Variants in GRIN2B observed in about 807,000 individuals in gnomAD.
The protein encoded by GRIN2B is glutamate receptor ionotropic, NMDA 2B.
A neutral mutation model predicts 114.5 loss-of-function variants in GRIN2B; 5 were observed. The observed-to-expected ratio is 0.04, with a 90% CI of 0.02 to 0.09. The LOEUF (loss-of-function observed/expected upper bound fraction) is 0.09. Ranked by LOEUF, GRIN2B falls within the 10% of genes least tolerant of loss-of-function variation. The pLI is 1.00. For missense variants in GRIN2B, 1,108 were observed against 1,943.5 expected, an observed-to-expected ratio of 0.57 and a Z score of 8.08; for synonymous variants, 787 against 745.1, an observed-to-expected ratio of 1.06 and a Z score of -0.92.
At position 13,916,779 on chromosome 12, in the gene GRIN2B, C is replaced by T. The variant is rs117708773; in HGVS notation, c.-18-50553G>A. 3.2e-5 allele frequency among the ~76,000 whole-genome samples: 4 copies of T among 125,026 alleles called. 1 individual carries two copies. The highest frequency in any genetic ancestry group is 5.1e-4 in the South Asian group (2 of 3,924). 82.0% of individuals were successfully genotyped at this position (125,026 alleles called of 152,430 possible). ...TGTGTGTATTTTAATCCTCAATGTA[C>T]GCCAGGATGACAATGGGCTCAAAGT... is the stretch of plus-strand genomic sequence containing the variant. On this transcript the variant is annotated intron_variant, in intron 2 of 13. Coordinates refer to ENST00000609686, the MANE Select transcript of GRIN2B (RefSeq NM_000834.5).
chr12:13,614,016 CAAA>C (rs77527098), intron 8 of GRIN2B, among the ~76,000 whole-genome samples: 20 of 92,898 alleles, frequency 2.2e-4, no homozygotes, highest in African/African-American at 3.7e-4. Flanking sequence ...CCTTGCACAG[CAAA>C]AAAAAAAAAA....
chr12:13,889,576 A>C (rs990982627), intron 2 of GRIN2B, among the ~76,000 whole-genome samples: 1 of 152,200 alleles, frequency 6.6e-6, no homozygotes, highest in Non-Finnish European at 1.5e-5. Flanking sequence ...ACAAATCACG[A>C]GCAAGAGGTT....
At position 13,598,996 on chromosome 12, in the gene GRIN2B, G is replaced by T. The variant is rs900305460; in HGVS notation, c.2010+9607C>A. On this transcript the variant is annotated intron_variant, in intron 10 of 13. Transcript: ENST00000609686. Reference sequence around the variant, plus strand: ...CAAGCTGCTCCGTGCTGAGGGAGTCGGCTTGCCTGCTCGTTTTCTTCTCTC... The same window carrying T: ...CAAGCTGCTCCGTGCTGAGGGAGTCTGCTTGCCTGCTCGTTTTCTTCTCTC... Among the ~76,000 whole-genome samples, 3 of 152,160 alleles carry T rather than the reference G, an allele frequency of 2.0e-5. No individual in the cohort carries two copies. The East Asian group carries it at 5.8e-4, about 29-fold the overall frequency.
chr12:13,782,061 T>G (rs1450801384), intron 3 of GRIN2B, among the ~76,000 whole-genome samples: 1 of 152,188 alleles, frequency 6.6e-6, no homozygotes, highest in African/African-American at 2.4e-5. Flanking sequence ...TGTCTGTAGA[T>G]CAATTATGTC....
chr12:13,802,742 T>C (rs998490649), intron 3 of GRIN2B, among the ~76,000 whole-genome samples: 2 of 152,192 alleles, frequency 1.3e-5, no homozygotes, highest in African/African-American at 4.8e-5. Flanking sequence ...GACTTTATTT[T>C]TGTTTTATAT....
intron 2 of GRIN2B, among the ~76,000 whole-genome samples, chr12:13,891,052 T>A (rs1866253905): frequency 6.6e-6 from 1 of 152,232 alleles, no homozygotes; most frequent in Non-Finnish European, 1.5e-5. Flanking sequence ...TTCAGCTGAT[T>A]GCCATCTTTC....
intron 5 of GRIN2B, among the ~76,000 whole-genome samples, chr12:13,673,339 T>C (rs1029637538): frequency 6.6e-6 from 1 of 151,852 alleles, no homozygotes; most frequent in Non-Finnish European, 1.5e-5. Context: ...AGACAGGAAA[T>C]CATGAGGAGG....
At chr12:13,940,986 T>C (rs566728832) in intron 2 of GRIN2B, among the ~76,000 whole-genome samples, 1 of 152,054 alleles carries the variant, frequency 6.6e-6, no homozygotes, top group East Asian at 1.9e-4. Context: ...TCCCTTCATT[T>C]CCCACATTTT....
At chr12:13,582,914 AT>A (rs1948871999) in intron 10 of GRIN2B, among the ~76,000 whole-genome samples, 1 of 152,206 alleles carries the variant, frequency 6.6e-6, no homozygotes, top group African/African-American at 2.4e-5. Context: ...CTTCTTTTGT[AT>A]TTTATAAAAT....
intron 2 of GRIN2B, among the ~76,000 whole-genome samples, chr12:13,925,990 C>T (rs751180876): frequency 7.9e-5 from 12 of 152,074 alleles, no homozygotes; most frequent in Non-Finnish European, 1.2e-4. Flanking sequence ...AGAAAGAATA[C>T]GTTTTAGCAA....
chr12:13,743,589 A>AT (rs758049550), intron 4 of GRIN2B, among the ~76,000 whole-genome samples: 94 of 152,036 alleles, frequency 6.2e-4, no homozygotes, highest in Admixed American at 1.2e-3. Flanking sequence ...TGCCTGAAAG[A>AT]TTTTTTTTCA....
intron 2 of GRIN2B, among the ~76,000 whole-genome samples, chr12:13,965,562 C>T (rs953661840): frequency 2.6e-5 from 4 of 151,500 alleles, no homozygotes; most frequent in African/African-American, 9.7e-5. Flanking sequence ...ACACACCACA[C>T]ACACACACAC....
intron 2 of GRIN2B, among the ~76,000 whole-genome samples, chr12:13,918,166 C>T (rs1866763742): frequency 6.6e-6 from 1 of 152,188 alleles, no homozygotes; most frequent in Non-Finnish European, 1.5e-5. Flanking sequence ...TCTCTTAACT[C>T]CTCTGGACCT....
intron 3 of GRIN2B, among the ~76,000 whole-genome samples, chr12:13,824,453 CG>C: frequency 6.6e-6 from 1 of 152,204 alleles, no homozygotes; most frequent in East Asian, 1.9e-4. Context: ...AATTTTGATA[CG>C]CTCTATAGTG....
intron 3 of GRIN2B, among the ~76,000 whole-genome samples, chr12:13,795,900 G>T (rs1356599359): frequency 6.6e-6 from 1 of 152,078 alleles, no homozygotes; most frequent in African/African-American, 2.4e-5. Flanking sequence ...CGTGGACAAA[G>T]GGCGGGGAAC....
chr12:13,954,262 A>G (rs144660077), intron 2 of GRIN2B, among the ~76,000 whole-genome samples: 16 of 152,286 alleles, frequency 1.1e-4, no homozygotes, highest in African/African-American at 3.8e-4. Flanking sequence ...CAGCACAAAC[A>G]AACGTAATTT....
intron 2 of GRIN2B, among the ~76,000 whole-genome samples, chr12:13,870,357 T>G (rs1277123653): frequency 1.3e-5 from 2 of 151,632 alleles, no homozygotes; most frequent in African/African-American, 4.9e-5. Flanking sequence ...GATTAGAGAG[T>G]TGACTGTTCA....
At chr12:13,658,147 C>T (rs1359568642) in intron 5 of GRIN2B, among the ~76,000 whole-genome samples, 4 of 151,230 alleles carry the variant, frequency 2.6e-5, no homozygotes, top group Non-Finnish European at 4.4e-5. Context: ...GCTGAGGTTG[C>T]GGTGAGCCGA....
At chr12:13,599,348 C>T (rs1225296796) in intron 10 of GRIN2B, among the ~76,000 whole-genome samples, 2 of 152,152 alleles carry the variant, frequency 1.3e-5, no homozygotes, top group African/African-American at 4.8e-5. Context: ...CTCTTGCCAC[C>T]ATTACAGCTG....
Sources: allele counts gnomAD v4.1 joint callset (sites outside exome capture counted in the v4.1 genomes callset), GRCh38; gene constraint gnomAD v4.1.1; transcripts MANE v1.5; gene names NCBI Gene and HGNC (gene_info 2026-07-23, HGNC 2026-07-21).